PKN2: variants seen among roughly 807,000 people sequenced by gnomAD.
PKN2 encodes the protein protein kinase N2.
Under a neutral mutation model 119.1 loss-of-function variants are expected in PKN2, and 38 were observed. The ratio of observed to expected loss-of-function variants is 0.32; its 90% CI spans 0.25 to 0.42. PKN2 has a LOEUF of 0.42. PKN2 is among the 10% of genes least tolerant of loss of function. PKN2 has a pLI of 1.00. For missense variants in PKN2, 850 were observed against 1,165.1 expected (o/e 0.73, Z 3.94); for synonymous variants, 390 against 384.9 (o/e 1.01, Z -0.15).
chr1:88,808,463 G>T (rs143190417), intron 15 of PKN2, among the ~76,000 whole-genome samples: 3 of 151,782 alleles, frequency 2.0e-5, no homozygotes, highest in African/African-American at 7.3e-5. Context: ...ATGCCACCAC[G>T]TCCAGCTTTT....
chr1:88,805,768 A>G, intron 11 of PKN2, 97 bp downstream of exon 11: 3 of 1,599,702 alleles, frequency 1.9e-6, no homozygotes, highest in Non-Finnish European at 1.7e-6. Context: ...CTTTTTTCCC[A>G]AGTAGTATTT....
chr1:88,697,410 T>C (rs923799068), intron 1 of PKN2, among the ~76,000 whole-genome samples: 1 of 152,214 alleles, frequency 6.6e-6, no homozygotes, highest in Admixed American at 6.5e-5. Context: ...TGCTAGTTAC[T>C]TTTATTTGAC....
intron 1 of PKN2, chr1:88,684,847 G>T: frequency 2.0e-6 from 1 of 492,672 alleles, no homozygotes; most frequent in Non-Finnish European, 3.6e-6. Context: ...CCACCGCTTT[G>T]GTTTGATTCT....
intron 1 of PKN2, among the ~76,000 whole-genome samples, chr1:88,700,350 G>A (rs139476268): frequency 9.9e-5 from 15 of 152,156 alleles, no homozygotes; most frequent in East Asian, 1.9e-4. Context: ...TGCAGAACCC[G>A]TTTTAAAAAG....
chr1:88,833,380 C>G lies in PKN2; in HGVS notation c.2887C>G (p.Pro963Ala). ...ACCTATTCTGACTCCACCTCGAGAA[C>G]CAAGGATACTTTCGGAAGAGGAGCA... is the stretch of plus-strand genomic sequence containing the variant. ...EAPILTPPRE[P>A]RILSEEEQEM... Residue 963 changes from proline (P) to alanine (A), a missense_variant, in exon 22 of 22, where the codon CCA becomes GCA. Transcript: ENST00000370521. 1 of 1,613,390 alleles carries G rather than the reference C, an allele frequency of 6.2e-7. No individual in the cohort carries two copies. Among genetic ancestry groups the G allele is most frequent in the Non-Finnish European group, 8.5e-7 (1 of 1,179,482 alleles).
chr1:88,788,302 G>A (rs574122586), intron 8 of PKN2, among the ~76,000 whole-genome samples: 1 of 152,126 alleles, frequency 6.6e-6, no homozygotes, highest in South Asian at 2.1e-4. Context: ...TGTTGTTTTG[G>A]GATTTTATGT....
intron 2 of PKN2, among the ~76,000 whole-genome samples, chr1:88,757,702 A>G (rs1669260741): frequency 6.6e-6 from 1 of 152,148 alleles, no homozygotes. Context: ...GTGGATAAAA[A>G]TACAAAACAC....
chr1:88,720,028 TTGTTG>T (rs1557563364), intron 1 of PKN2, among the ~76,000 whole-genome samples: 7 of 151,766 alleles, frequency 4.6e-5, no homozygotes, highest in African/African-American at 7.3e-5. Context: ...ATGTTTTTTG[TTGTTG>T]TTGTTGTTGT....
intron 7 of PKN2, among the ~76,000 whole-genome samples, chr1:88,785,363 G>A (rs1428023617): frequency 2.0e-5 from 3 of 152,012 alleles, no homozygotes; most frequent in Admixed American, 2.0e-4. Flanking sequence ...GGCTCTAGCT[G>A]TCCTTCCACC....
At chr1:88,767,489 T>C (rs1045601535) in intron 3 of PKN2, among the ~76,000 whole-genome samples, 1 of 152,172 alleles carries the variant, frequency 6.6e-6, no homozygotes, top group African/African-American at 2.4e-5. Flanking sequence ...GCGGGTATCA[T>C]AGAGTGTACT....
At chr1:88,745,012 A>G (rs955126585) in intron 2 of PKN2, among the ~76,000 whole-genome samples, 4 of 152,214 alleles carry the variant, frequency 2.6e-5, no homozygotes, top group East Asian at 3.8e-4. Flanking sequence ...ATTTTTGCCC[A>G]TAAGAGTATC....
At chr1:88,755,205 A>G (rs547445015) in intron 2 of PKN2, among the ~76,000 whole-genome samples, 1 of 152,276 alleles carries the variant, frequency 6.6e-6, no homozygotes, top group East Asian at 1.9e-4. Flanking sequence ...GTTTTGAAAT[A>G]TGTTTCACTA....
chr1:88,807,162 A>C, intron 12 of PKN2, 151 bp from the exon 13 acceptor site: 1 of 595,258 alleles, frequency 1.7e-6, no homozygotes, highest in Non-Finnish European at 2.8e-6. Flanking sequence ...AAAAAGAAAA[A>C]AAAATTTTTT....
At chr1:88,789,691 T>TAATAATAATAATAATAAC (rs887795312) in intron 8 of PKN2, among the ~76,000 whole-genome samples, 47 of 123,306 alleles carry the variant, frequency 3.8e-4, no homozygotes, top group African/African-American at 1.3e-3. Flanking sequence ...ATAATAATAA[T>TAATAATAATAATAATAAC]AACAACAACA....
intron 6 of PKN2, among the ~76,000 whole-genome samples, chr1:88,774,649 T>C (rs947631263): frequency 6.6e-6 from 1 of 152,108 alleles, no homozygotes; most frequent in African/African-American, 2.4e-5. Context: ...GTGTTTATCT[T>C]TTTTTCTCTG....
chr1:88,835,616 T>C lies in PKN2; in HGVS notation c.*2168T>C, dbSNP rs1253100620. 2.0e-5 allele frequency: 3 copies of C among 152,376 alleles called. No individual in the cohort carries two copies. The highest frequency in any genetic ancestry group is 6.6e-5 in the Admixed American group (1 of 15,258). The allele number at this position is 152,376 out of a possible 1,614,324, so 9.4% of individuals were successfully genotyped here. A position where few individuals can be genotyped will look rare whatever the true frequency, so the allele number is the denominator to read the frequency against. ...AAGCTTTATAGAGTGTAAATATATTTTGCTATTACTGTATGTGTATGTGAC... is the reference window on the plus strand; with the variant it reads ...AAGCTTTATAGAGTGTAAATATATTCTGCTATTACTGTATGTGTATGTGAC... On this transcript the variant is annotated 3_prime_UTR_variant, in exon 22 of 22. Coordinates refer to ENST00000370521, the MANE Select transcript of PKN2 (RefSeq NM_006256.4).
At chr1:88,728,499 C>T (rs930521533) in intron 1 of PKN2, among the ~76,000 whole-genome samples, 6 of 152,010 alleles carry the variant, frequency 3.9e-5, no homozygotes, top group African/African-American at 1.5e-4. Flanking sequence ...GACATACACT[C>T]CTGAGTGTAA....
At position 88,714,995 on chromosome 1, in the gene PKN2, T is replaced by C. The variant is rs186857372; in HGVS notation, c.49-25993T>C. On this transcript the variant is annotated intron_variant, in intron 1 of 21. Coordinates refer to ENST00000370521, the MANE Select transcript of PKN2 (RefSeq NM_006256.4). ...TTTTTAGTATGAAGCGCTGTTGAAT[T>C]TTGTCAAAGGCCTTTTCTGCATCTA... 2.5e-3 allele frequency among the ~76,000 whole-genome samples: 378 copies of C among 152,310 alleles called. 3 individuals carry two copies. Among genetic ancestry groups the C allele is most frequent in the African/African-American group, 8.8e-3 (364 of 41,558 alleles).
In PKN2 at chr1:88,776,051, C is replaced by T. The variant is rs568706476; in HGVS notation, c.985+4172C>T. ...TGAACCTGGGAGGCGGAGCTGGCAGCGAGCCGAGATCGTGCCACTGCACTC... is the reference window on the plus strand; with the variant it reads ...TGAACCTGGGAGGCGGAGCTGGCAGTGAGCCGAGATCGTGCCACTGCACTC... On this transcript the variant is annotated intron_variant, in intron 6 of 21. Coordinates refer to ENST00000370521, the MANE Select transcript of PKN2 (RefSeq NM_006256.4). Among the ~76,000 whole-genome samples the T allele has an allele frequency of 1.8e-4, 27 of 149,132 alleles. No individual in the cohort carries two copies. In the South Asian group the frequency reaches 2.7e-3, roughly 15 times the overall value.
Sources: allele counts gnomAD v4.1 joint callset (sites outside exome capture counted in the v4.1 genomes callset), GRCh38; gene constraint gnomAD v4.1.1; transcripts MANE v1.5; gene names NCBI Gene and HGNC (gene_info 2026-07-23, HGNC 2026-07-21).